HS3ST4: variants seen among roughly 807,000 people sequenced by gnomAD.
The protein encoded by HS3ST4 is heparan sulfate-glucosamine 3-sulfotransferase 4.
A neutral mutation model predicts 29.2 loss-of-function variants in HS3ST4; 17 were observed. That is an observed-to-expected ratio of 0.58 (90% CI 0.40 to 0.87). HS3ST4 has a LOEUF of 0.87. Among genes scored for constraint, HS3ST4 ranks in the 40% least tolerant of loss-of-function variants. The probability of loss-of-function intolerance (pLI) is 0.00; values close to 1 mark genes in which losing one functional copy is unlikely to be tolerated. For missense variants in HS3ST4, 627 were observed against 634.5 expected, an observed-to-expected ratio of 0.99 and a Z score of 0.13; for synonymous variants, 314 against 285.7, an observed-to-expected ratio of 1.10 and a Z score of -1.00.
chr16:25,906,863 G>A (rs1022829616), intron 1 of HS3ST4, among the ~76,000 whole-genome samples: 1 of 152,160 alleles, frequency 6.6e-6, no homozygotes, highest in Admixed American at 6.6e-5. Flanking sequence ...TAGATTTCAA[G>A]CAATAGAGAG....
chr16:26,028,784 G>A (rs1969503144), intron 1 of HS3ST4: 1 of 152,226 alleles, frequency 6.6e-6, no homozygotes, highest in Admixed American at 6.5e-5. Context: ...TCTCTGGGCG[G>A]AGCCTAGCTA....
At chr16:25,770,305 T>C (rs1358711813) in intron 1 of HS3ST4, among the ~76,000 whole-genome samples, 1 of 152,174 alleles carries the variant, frequency 6.6e-6, no homozygotes, top group East Asian at 1.9e-4. Flanking sequence ...GCCTTGGAGA[T>C]GATAAGTAAA....
intron 1 of HS3ST4, among the ~76,000 whole-genome samples, chr16:26,031,545 A>G (rs1463135124): frequency 6.6e-6 from 1 of 152,104 alleles, no homozygotes; most frequent in Non-Finnish European, 1.5e-5. Context: ...CGTTGCACTT[A>G]TTTTGACTAG....
chr16:25,785,761 C>T (rs1966856865), intron 1 of HS3ST4, among the ~76,000 whole-genome samples: 1 of 152,054 alleles, frequency 6.6e-6, no homozygotes, highest in South Asian at 2.1e-4. Flanking sequence ...CTTCCGGTAA[C>T]CCAAAAGTCC....
At chr16:25,955,696 GTGGT>G (rs1381967200) in intron 1 of HS3ST4, among the ~76,000 whole-genome samples, 1 of 152,058 alleles carries the variant, frequency 6.6e-6, no homozygotes, top group Non-Finnish European at 1.5e-5. Flanking sequence ...ATTTATAGGA[GTGGT>G]TGGTGTGTTT....
At position 25,852,386 on chromosome 16, in the gene HS3ST4, T is replaced by C. The variant is rs1310056960; in HGVS notation, c.734+159235T>C. ...GTCAACGTGTGCCATGGTGGTTTGC[T>C]GTATCTGTTAACCCATCACCTAGGT... is the stretch of plus-strand genomic sequence containing the variant. On this transcript the variant is annotated intron_variant, in intron 1 of 1. Transcript: ENST00000331351. Among the ~76,000 whole-genome samples the C allele has an allele frequency of 2.6e-5, 4 of 152,320 alleles. No homozygotes were observed. In the East Asian group the frequency reaches 7.7e-4, roughly 29 times the overall value.
At chr16:26,051,862 TTCCCTGCCTCCC>T (rs1238803942) in intron 1 of HS3ST4, among the ~76,000 whole-genome samples, 26 of 135,178 alleles carry the variant, frequency 1.9e-4, no homozygotes, top group Non-Finnish European at 2.3e-4. Context: ...TCTTTTCTCC[TTCCCTGCCTCCC>T]TCCCTGCCTC....
chr16:25,813,024 A>G (rs1967057552), intron 1 of HS3ST4, among the ~76,000 whole-genome samples: 1 of 152,196 alleles, frequency 6.6e-6, no homozygotes, highest in Admixed American at 6.5e-5. Flanking sequence ...GACTAGATAA[A>G]CAACACTCAC....
At position 25,858,622 on chromosome 16, in the gene HS3ST4, T is replaced by C. The variant is rs527383969; in HGVS notation, c.734+165471T>C. ...ATTTTAGTAGCTATTTCCAAATTGC[T>C]TTCACTGATACTTCATTTTGAGTAG... On this transcript the variant is annotated intron_variant, in intron 1 of 1. Transcript: ENST00000331351. Among the ~76,000 whole-genome samples, 9 of 152,282 alleles carry C rather than the reference T, an allele frequency of 5.9e-5. No homozygotes were observed. In the South Asian group the frequency reaches 1.9e-3, roughly 32 times the overall value.
rs933240383 is a variant in HS3ST4, at chr16:25,887,532, A to T, written c.734+194381A>T. Among the ~76,000 whole-genome samples, 6 of 152,068 alleles carry T rather than the reference A, an allele frequency of 3.9e-5. 1 individual carries two copies. The highest frequency in any genetic ancestry group is 1.9e-4 in the East Asian group (1 of 5,180). ...GATATAAATAAATTCCCACATATTA[A>T]TTACTGACTTGTGATGGGCACAGCT... On this transcript the variant is annotated intron_variant, in intron 1 of 1. Transcript: ENST00000331351.
chr16:25,945,886 C>T lies in HS3ST4; in HGVS notation c.735-189726C>T, dbSNP rs117301044. On this transcript the variant is annotated intron_variant, in intron 1 of 1. Transcript: ENST00000331351. ...TAGCATATTGATCATTTATTGAATT[C>T]ATTTATTCATTTCACAAATATTACA... Among the ~76,000 whole-genome samples the T allele has an allele frequency of 6.1e-3, 927 of 152,244 alleles. 11 individuals carry two copies. Among genetic ancestry groups the T allele is most frequent in the Middle Eastern group, 0.02 (6 of 294 alleles).
chr16:26,109,440 C>A (rs919047418), intron 1 of HS3ST4, among the ~76,000 whole-genome samples: 2 of 152,094 alleles, frequency 1.3e-5, no homozygotes, highest in African/African-American at 4.8e-5. Flanking sequence ...GGTAGTAATT[C>A]GTCTGAGGGT....
chr16:25,923,843 G>C (rs909868382), intron 1 of HS3ST4, among the ~76,000 whole-genome samples: 2 of 152,122 alleles, frequency 1.3e-5, no homozygotes, highest in Admixed American at 6.6e-5. Flanking sequence ...CATTCTTGGT[G>C]AGCTGTAACA....
intron 1 of HS3ST4, among the ~76,000 whole-genome samples, chr16:26,069,295 A>G (rs1231871850): frequency 6.6e-6 from 1 of 152,204 alleles, no homozygotes; most frequent in Non-Finnish European, 1.5e-5. Context: ...CCAACAAGAA[A>G]TGGTATCTAT....
chr16:25,846,133 T>A (rs1451883859), intron 1 of HS3ST4, among the ~76,000 whole-genome samples: 5 of 152,236 alleles, frequency 3.3e-5, no homozygotes, highest in African/African-American at 1.2e-4. Context: ...GGCTTTTTCC[T>A]CTTGATCGTA....
Position 25,710,170 on chromosome 16 carries a change from GAAGAAAAATTCCCTTGTCC to G in HS3ST4, c.734+17022_734+17040del, listed in dbSNP as rs1221669433. 1.1e-4 allele frequency among the ~76,000 whole-genome samples: 16 copies of G among 152,270 alleles called. No homozygotes were observed. In the South Asian group the frequency reaches 1.4e-3, roughly 14 times the overall value. On this transcript the variant is annotated intron_variant, in intron 1 of 1. Transcript: ENST00000331351. ...TAGGAAAATAAATCAGTGTTCTGGA[GAAGAAAAATTCCCTTGTCC>G]AATCTAGTGTTTTGACTTAAAAATA...
chr16:25,744,407 A>T (rs1966673060), intron 1 of HS3ST4, among the ~76,000 whole-genome samples: 1 of 152,238 alleles, frequency 6.6e-6, no homozygotes, highest in Admixed American at 6.5e-5. Flanking sequence ...AATAAGCTGC[A>T]GGTATGAGTT....
At chr16:25,935,590 G>A (rs983043490) in intron 1 of HS3ST4, among the ~76,000 whole-genome samples, 1 of 152,044 alleles carries the variant, frequency 6.6e-6, no homozygotes, top group Non-Finnish European at 1.5e-5. Flanking sequence ...TTTCAGATTG[G>A]CTTCTCTCAC....
At chr16:26,000,898 G>T (rs1292923608) in intron 1 of HS3ST4, among the ~76,000 whole-genome samples, 1 of 152,036 alleles carries the variant, frequency 6.6e-6, no homozygotes, top group Non-Finnish European at 1.5e-5. Context: ...ACCCCAGCTG[G>T]GGAAAGTTTT....
Sources: gnomAD v4.1 joint callset for allele counts (sites outside exome capture counted in the v4.1 genomes callset) on GRCh38, gnomAD v4.1.1 for gene constraint, MANE v1.5 for transcripts, NCBI Gene and HGNC (gene_info 2026-07-23, HGNC 2026-07-21) for gene names.